The following LRRC37A2 variants were observed in gnomAD, a reference collection of about 807,000 sequenced individuals.
LRRC37A2 encodes leucine rich repeat containing 37 member A2.
LRRC37A2 carries 9 observed loss-of-function variants against 68.8 expected under a neutral mutation model. The ratio of observed to expected loss-of-function variants is 0.13; its 90% CI spans 0.08 to 0.23. The LOEUF (loss-of-function observed/expected upper bound fraction) is 0.23, where lower values mean the gene tolerates loss of function less well. Ranked by LOEUF, LRRC37A2 falls within the 10% of genes least tolerant of loss-of-function variation. The pLI is 1.00. For synonymous variants in LRRC37A2, 63 were observed against 367.6 expected (o/e 0.17, Z 9.48); for missense variants, 168 against 950.4 (o/e 0.18, Z 10.82).
At chr17:46,848,407 C>T in the LRRC37A2 span, among the ~76,000 whole-genome samples, 2 of 152,238 alleles carry the variant, frequency 1.3e-5, no homozygotes, top group African/African-American at 4.8e-5. Context: ...GTGCCAGACT[C>T]TGGAGACACA....
chr17:46,879,859 A>G, the LRRC37A2 span, among the ~76,000 whole-genome samples: 1 of 152,180 alleles, frequency 6.6e-6, no homozygotes, highest in Non-Finnish European at 1.5e-5. Context: ...CCCATGTCTC[A>G]GGGGCTTTGG....
At chr17:46,918,143 G>A in the LRRC37A2 span, among the ~76,000 whole-genome samples, 9 of 152,254 alleles carry the variant, frequency 5.9e-5, no homozygotes, top group East Asian at 1.4e-3. Flanking sequence ...GCAGCGGCGC[G>A]ATCTCAGCTC....
the LRRC37A2 span, among the ~76,000 whole-genome samples, chr17:46,871,195 C>T: frequency 6.6e-6 from 1 of 152,308 alleles, no homozygotes; most frequent in East Asian, 1.9e-4. Flanking sequence ...GTGTGAGCCA[C>T]TGTGCCCAGC....
the LRRC37A2 span, among the ~76,000 whole-genome samples, chr17:46,605,995 CA>C: frequency 9.8e-5 from 5 of 51,048 alleles, no homozygotes; most frequent in African/African-American, 4.1e-4. Context: ...ACTAAAAATA[CA>C]AAAAAAAAAA....
At chr17:46,902,803 C>T in the LRRC37A2 span, among the ~76,000 whole-genome samples, 1 of 152,150 alleles carries the variant, frequency 6.6e-6, no homozygotes, top group Non-Finnish European at 1.5e-5. Context: ...ATCAGATACC[C>T]GTTCTCCCCT....
chr17:46,920,125 C>G, the LRRC37A2 span, among the ~76,000 whole-genome samples: 1 of 152,148 alleles, frequency 6.6e-6, no homozygotes, highest in South Asian at 2.1e-4. Context: ...TTCATCTCTA[C>G]CAGGCAGACA....
chr17:46,793,031 G>T, the LRRC37A2 span, among the ~76,000 whole-genome samples: 1 of 151,610 alleles, frequency 6.6e-6, no homozygotes, highest in Non-Finnish European at 1.5e-5. Context: ...TTGAAAGGCC[G>T]AGGCGGGAGG....
chr17:47,044,571 C>T, the LRRC37A2 span, among the ~76,000 whole-genome samples: 213 of 151,262 alleles, frequency 1.4e-3, no homozygotes, highest in African/African-American at 4.6e-3. Flanking sequence ...GACATACACA[C>T]ACGGAAAGCA....
At chr17:46,881,615 C>T in the LRRC37A2 span, among the ~76,000 whole-genome samples, 1 of 152,194 alleles carries the variant, frequency 6.6e-6, no homozygotes, top group Non-Finnish European at 1.5e-5. Context: ...TTACTTTGTT[C>T]CTGCTCATAA....
the LRRC37A2 span, among the ~76,000 whole-genome samples, chr17:46,993,522 G>A: frequency 2.0e-5 from 3 of 152,264 alleles, no homozygotes; most frequent in African/African-American, 7.2e-5. Context: ...TGCTGTTCTT[G>A]CCAAAGGAGG....
the LRRC37A2 span, among the ~76,000 whole-genome samples, chr17:46,798,875 C>T: frequency 6.6e-6 from 1 of 151,996 alleles, no homozygotes; most frequent in Non-Finnish European, 1.5e-5. Flanking sequence ...TGGGGAAACC[C>T]CATCTCTACT....
the LRRC37A2 span, chr17:46,872,870 C>G: frequency 7.1e-7 from 1 of 1,403,312 alleles, no homozygotes; most frequent in South Asian, 1.4e-5. Context: ...TCCTGGCTCC[C>G]GTGCCCAGGC....
the LRRC37A2 span, among the ~76,000 whole-genome samples, chr17:46,852,371 GA>G: frequency 2.0e-5 from 3 of 149,830 alleles, no homozygotes; most frequent in Admixed American, 6.7e-5. Flanking sequence ...GAGAACACTG[GA>G]AAGAGTGAGA....
At chr17:46,720,943 T>C in the LRRC37A2 span, among the ~76,000 whole-genome samples, 3 of 152,292 alleles carry the variant, frequency 2.0e-5, no homozygotes, top group South Asian at 6.2e-4. Context: ...GTGCTCCCAT[T>C]TGCACTTGTG....
At chr17:46,917,643 C>T in the LRRC37A2 span, among the ~76,000 whole-genome samples, 8 of 152,324 alleles carry the variant, frequency 5.3e-5, no homozygotes, top group South Asian at 4.1e-4. Flanking sequence ...GCTCCATTCC[C>T]GCTGCTTCAC....
intron 6 of LRRC37A2, among the ~76,000 whole-genome samples, chr17:46,525,744 T>C (rs867645444): frequency 0.047 from 3,338 of 70,420 alleles, 24 homozygotes; most frequent in African/African-American, 0.11. Flanking sequence ...ATTCAGAGTG[T>C]CATGTCCATT....
intron 8 of LRRC37A2, among the ~76,000 whole-genome samples, chr17:46,543,089 ATCTG>A (rs1489478864): frequency 1.3e-5 from 2 of 149,816 alleles, no homozygotes; most frequent in Admixed American, 6.6e-5. Flanking sequence ...GATAGTGAGG[ATCTG>A]TCTGCTTTTT....
At chr17:46,904,693 A>G in the LRRC37A2 span, among the ~76,000 whole-genome samples, 33 of 152,238 alleles carry the variant, frequency 2.2e-4, no homozygotes, top group Admixed American at 4.6e-4. Flanking sequence ...TCTAGTTCTC[A>G]TTGTATTCTC....
the LRRC37A2 span, among the ~76,000 whole-genome samples, chr17:46,844,125 T>A: frequency 6.6e-6 from 1 of 152,028 alleles, no homozygotes; most frequent in Non-Finnish European, 1.5e-5. Context: ...GGCTAATTTT[T>A]TTTTTCTTTT....
Sources: gnomAD v4.1 joint callset for allele counts (sites outside exome capture counted in the v4.1 genomes callset) on GRCh38, gnomAD v4.1.1 for gene constraint, MANE v1.5 for transcripts, NCBI Gene and HGNC (gene_info 2026-07-23, HGNC 2026-07-21) for gene names.